Variants in TRPC4AP observed in about 807,000 individuals in gnomAD.
TRPC4AP encodes short transient receptor potential channel 4-associated protein.
A neutral mutation model predicts 99.0 loss-of-function variants in TRPC4AP; 45 were observed. That is an observed-to-expected ratio of 0.45 (90% CI 0.36 to 0.58). TRPC4AP has a LOEUF of 0.58. TRPC4AP is among the 20% of genes least tolerant of loss of function. TRPC4AP has a pLI of 0.00. For synonymous variants in TRPC4AP, 408 were observed against 385.8 expected, an observed-to-expected ratio of 1.06 and a Z score of -0.67; for missense variants, 879 against 985.3, an observed-to-expected ratio of 0.89 and a Z score of 1.44.
intron 8 of TRPC4AP, among the ~76,000 whole-genome samples, chr20:35,026,898 C>T (rs2147312300): frequency 6.6e-6 from 1 of 152,014 alleles, no homozygotes; most frequent in South Asian, 2.1e-4. Context: ...TAATATTAGC[C>T]TTGTATTCTG....
chr20:35,068,830 T>A (rs2084213881), intron 3 of TRPC4AP, among the ~76,000 whole-genome samples: 1 of 148,978 alleles, frequency 6.7e-6, no homozygotes, highest in Admixed American at 6.6e-5. Flanking sequence ...TAAAATTGTT[T>A]TAATTAAAAA....
intron 8 of TRPC4AP, among the ~76,000 whole-genome samples, chr20:35,027,403 A>G (rs1185353026): frequency 2.0e-5 from 3 of 152,232 alleles, no homozygotes. Context: ...TGGTCATGGT[A>G]TACAATCCTT....
intron 15 of TRPC4AP, 66 bp downstream of exon 15, chr20:35,006,369 G>C (rs1480208840): frequency 6.3e-7 from 1 of 1,578,968 alleles, no homozygotes; most frequent in Admixed American, 1.7e-5. Flanking sequence ...AAGCCTGGCA[G>C]ACCAGGACTC....
In TRPC4AP at chr20:35,078,190, A is replaced by G; in HGVS notation, c.169-16T>C. The G allele has an allele frequency of 5.6e-6, 9 of 1,611,512 alleles. No individual in the cohort carries two copies. Among genetic ancestry groups the G allele is most frequent in the Non-Finnish European group, 5.9e-6 (7 of 1,178,190 alleles). On this transcript the variant is annotated splice_polypyrimidine_tract_variant and intron_variant, in intron 1 of 18. Transcript: ENST00000252015. ...TCTCAGTGAACTGTGAGTCAAAAAAAGAGAGAACATATTATTGTATTATTG... is the reference window on the plus strand; with the variant it reads ...TCTCAGTGAACTGTGAGTCAAAAAAGGAGAGAACATATTATTGTATTATTG...
intron 3 of TRPC4AP, among the ~76,000 whole-genome samples, chr20:35,062,782 A>G (rs577650146): frequency 1.6e-4 from 24 of 152,252 alleles, no homozygotes; most frequent in Non-Finnish European, 2.4e-4. Flanking sequence ...ACAGTGGTAT[A>G]TAACTCTGAC....
At position 35,057,528 on chromosome 20, in the gene TRPC4AP, C is replaced by A. The variant is rs758893520; in HGVS notation, c.458G>T (p.Gly153Val). The A allele has an allele frequency of 1.9e-6, 3 of 1,611,992 alleles. No homozygotes were observed. The Admixed American group carries it at 5.0e-5, about 27-fold the overall frequency. Residue 153 changes from glycine (G) to valine (V), a missense_variant, in exon 4 of 19, where the codon GGA becomes GTA. Gly to Val is a moderately radical substitution (Grantham distance 109). This residue lies in a region of TRPC4AP where 603 missense variants were observed against 631.8 expected (regional missense o/e 0.95). Transcript: ENST00000252015. ...GGTATACTTACTTTTCAGTTTCTGT[C>A]CCCGGATAGAGATCGTAGGCCTCAT... ...ILMRPTISIR[G>V]QKLKISDEMS... is the part of the protein sequence containing the mutation.
intron 8 of TRPC4AP, among the ~76,000 whole-genome samples, chr20:35,026,019 T>C (rs1268517616): frequency 1.3e-5 from 2 of 152,180 alleles, no homozygotes; most frequent in Non-Finnish European, 2.9e-5. Flanking sequence ...ATACCATTTG[T>C]TGAAAAGACT....
intron 8 of TRPC4AP, among the ~76,000 whole-genome samples, chr20:35,029,994 C>A (rs1370577622): frequency 2.7e-5 from 4 of 146,964 alleles, no homozygotes; most frequent in African/African-American, 7.4e-5. Flanking sequence ...GTAATCCCAG[C>A]ACTTTGGGAG....
At chr20:35,080,753 T>C (rs750991282) in intron 1 of TRPC4AP, among the ~76,000 whole-genome samples, 1 of 151,760 alleles carries the variant, frequency 6.6e-6, no homozygotes, top group Non-Finnish European at 1.5e-5. Flanking sequence ...ATCGTGATGA[T>C]AGATGCATAA....
At chr20:35,006,287 G>A in intron 15 of TRPC4AP, 148 bp downstream of exon 15, 1 of 896,066 alleles carries the variant, frequency 1.1e-6, no homozygotes, top group Non-Finnish European at 1.7e-6. Context: ...GCCAGACAGA[G>A]CAGGTTCCAA....
intron 7 of TRPC4AP, among the ~76,000 whole-genome samples, chr20:35,043,387 C>G (rs1329074371): frequency 1.3e-5 from 2 of 152,052 alleles, no homozygotes; most frequent in African/African-American, 2.4e-5. Context: ...ACTGGGACTA[C>G]AGGCGTGCAC....
Position 35,002,496 on chromosome 20 carries a change from G to GGCTC in TRPC4AP, c.*646_*649dup, listed in dbSNP as rs1357114439. Reference sequence around the variant, plus strand: ...AACACAAGGAAGGGCCCCATGTCCAGGCTCAGGCAGGAGCGGCTGCCTCAG... The same window carrying GGCTC: ...AACACAAGGAAGGGCCCCATGTCCAGGCTCGCTCAGGCAGGAGCGGCTGCCTCAG... On this transcript the variant is annotated 3_prime_UTR_variant, in exon 19 of 19. Coordinates refer to ENST00000252015, the MANE Select transcript of TRPC4AP (RefSeq NM_015638.3). The GGCTC allele has an allele frequency of 1.8e-4, 50 of 282,850 alleles. No individual in the cohort carries two copies. Among genetic ancestry groups the GGCTC allele is most frequent in the African/African-American group, 1.1e-3 (49 of 45,814 alleles). 17.5% of individuals were successfully genotyped at this position (282,850 alleles called of 1,614,324 possible). A position where few individuals can be genotyped will look rare whatever the true frequency, so the allele number is the denominator to read the frequency against.
chr20:35,067,000 T>C (rs1387317492), intron 3 of TRPC4AP, among the ~76,000 whole-genome samples: 1 of 152,144 alleles, frequency 6.6e-6, no homozygotes, highest in Non-Finnish European at 1.5e-5. Context: ...AGAGAATTTA[T>C]AAAGAACTCT....
chr20:35,034,812 G>C (rs892620121), intron 8 of TRPC4AP, among the ~76,000 whole-genome samples: 2 of 152,140 alleles, frequency 1.3e-5, no homozygotes, highest in African/African-American at 4.8e-5. Flanking sequence ...GAAAGAAAAA[G>C]AGACGAGGAG....
At chr20:35,071,855 G>A (rs1037197696) in intron 2 of TRPC4AP, among the ~76,000 whole-genome samples, 10 of 152,122 alleles carry the variant, frequency 6.6e-5, no homozygotes, top group Non-Finnish European at 2.9e-5. Context: ...TTGAGGAATC[G>A]CCACACTGTC....
At position 35,003,010 on chromosome 20, in the gene TRPC4AP, C is replaced by T; in HGVS notation, c.*136G>A. On this transcript the variant is annotated 3_prime_UTR_variant, in exon 19 of 19. Transcript: ENST00000252015. ...GGGACCAAGGGCTTCTAGGACTTCC[C>T]TCCCACCAAGCCTGTACCCAAAGAC... 1.5e-6 allele frequency: 2 copies of T among 1,291,940 alleles called. No homozygotes were observed. The highest frequency in any genetic ancestry group is 2.1e-6 in the Non-Finnish European group (2 of 940,508). The allele number at this position is 1,291,940 out of a possible 1,614,324, so 80.0% of individuals were successfully genotyped here.
chr20:35,090,611 T>A (rs1452925824), intron 1 of TRPC4AP, among the ~76,000 whole-genome samples: 2 of 152,094 alleles, frequency 1.3e-5, no homozygotes, highest in African/African-American at 2.4e-5. Context: ...TGACCTCAGA[T>A]GATCCACCCG....
chr20:35,026,216 T>C (rs951187690), intron 8 of TRPC4AP, among the ~76,000 whole-genome samples: 4 of 123,768 alleles, frequency 3.2e-5, no homozygotes, highest in Non-Finnish European at 6.9e-5. Context: ...TGAGTTGTCT[T>C]AGGTTGTTTT....
chr20:35,049,485 C>T (rs1346209925), intron 6 of TRPC4AP, among the ~76,000 whole-genome samples: 1 of 64,792 alleles, frequency 1.5e-5, no homozygotes, highest in African/African-American at 4.9e-5. Context: ...GTTCAGATAG[C>T]GGTAAAGTGG....
Sources: gnomAD v4.1 joint callset for allele counts (sites outside exome capture counted in the v4.1 genomes callset) on GRCh38, gnomAD v4.1.1 for gene constraint, gnomAD v4.1.1 regional missense constraint, MANE v1.5 for transcripts, NCBI Gene and HGNC (gene_info 2026-07-23, HGNC 2026-07-21) for gene names.